The following LPCAT3 variants were observed in gnomAD, a reference collection of about 807,000 sequenced individuals.
The protein encoded by LPCAT3 is lysophospholipid acyltransferase 5.
A neutral mutation model predicts 63.4 loss-of-function variants in LPCAT3; 21 were observed. The ratio of observed to expected loss-of-function variants is 0.33; its 90% CI spans 0.23 to 0.48. LPCAT3 has a LOEUF of 0.48. Ranked by LOEUF, LPCAT3 falls within the 20% of genes least tolerant of loss-of-function variation. LPCAT3 has a pLI of 0.99. For synonymous variants in LPCAT3, 242 were observed against 227.5 expected (o/e 1.06, Z -0.58); for missense variants, 451 against 590.6 (o/e 0.76, Z 2.45).
intron 1 of LPCAT3, among the ~76,000 whole-genome samples, chr12:6,992,337 C>A (rs1231209876): frequency 4.5e-4 from 68 of 150,104 alleles, no homozygotes; most frequent in African/African-American, 1.5e-3. Flanking sequence ...AAAAAAAAAA[C>A]AAAAAAAATT....
At chr12:6,986,184 G>A (rs1946524231) in intron 1 of LPCAT3, among the ~76,000 whole-genome samples, 1 of 152,040 alleles carries the variant, frequency 6.6e-6, no homozygotes, top group Non-Finnish European at 1.5e-5. Context: ...GAACAGCAAG[G>A]GTCCCCTTAG....
Position 6,981,642 on chromosome 12 carries a change from G to T in LPCAT3, c.461-10C>A, listed in dbSNP as rs782731092. On this transcript the variant is annotated splice_polypyrimidine_tract_variant and intron_variant, in intron 4 of 12. Transcript: ENST00000261407. ...TAGTCAACAGCCAAACCTGAGCAGA[G>T]AGAGAACGGATGGGTAGGGTGGTGG... 1.3e-6 allele frequency: 2 copies of T among 1,580,944 alleles called. No homozygotes were observed. The highest frequency in any genetic ancestry group is 2.4e-5 in the East Asian group (1 of 42,342).
Position 7,017,298 on chromosome 12 carries a change from C to T in LPCAT3, c.151+976G>A, listed in dbSNP as rs1301951971. ...TATGTATATATATGTACAGGTACTT[C>T]CCAATCTTGGCCCTTCTACAGGACT... On this transcript the variant is annotated intron_variant, in intron 1 of 12. Transcript: ENST00000261407. The surrounding 1 kb of genome is among the most constrained non-coding windows in gnomAD (Gnocchi z 4.1). Among the ~76,000 whole-genome samples, 7 of 152,194 alleles carry T rather than the reference C, an allele frequency of 4.6e-5. No homozygotes were observed. The highest frequency in any genetic ancestry group is 7.3e-5 in the Non-Finnish European group (5 of 68,036).
At position 6,987,397 on chromosome 12, in the gene LPCAT3, C is replaced by G. The variant is rs1946539824; in HGVS notation, c.152-3858G>C. Among the ~76,000 whole-genome samples, 1 of 152,178 alleles carries G rather than the reference C, an allele frequency of 6.6e-6. No individual in the cohort carries two copies. On this transcript the variant is annotated intron_variant, in intron 1 of 12. Coordinates refer to ENST00000261407, the MANE Select transcript of LPCAT3 (RefSeq NM_005768.6). The surrounding 1 kb of genome is among the most constrained non-coding windows in gnomAD (Gnocchi z 4.1). The stretch of plus-strand genomic sequence containing the variant: ...ACTAGCTCTAGGGAGGTGGAGACAT[C>G]TATGACCCTTTCAGGTAGATCAATG...
At chr12:7,004,765 A>G (rs782491784) in intron 1 of LPCAT3, among the ~76,000 whole-genome samples, 1 of 152,224 alleles carries the variant, frequency 6.6e-6, no homozygotes, top group Admixed American at 6.5e-5. Flanking sequence ...TTCCTATAAC[A>G]CTACCTTAAA....
intron 7 of LPCAT3, 92 bp downstream of exon 7, chr12:6,979,379 T>C (rs1946446252): frequency 1.1e-6 from 1 of 930,728 alleles, no homozygotes; most frequent in African/African-American, 1.6e-5. Flanking sequence ...GTAGATGATA[T>C]TTCCTACTTC....
At chr12:6,995,566 C>A (rs2138347811) in intron 1 of LPCAT3, among the ~76,000 whole-genome samples, 1 of 152,252 alleles carries the variant, frequency 6.6e-6, no homozygotes, top group African/African-American at 2.4e-5. Context: ...GTCTCTCTCA[C>A]CATCACTGTC....
In LPCAT3 at chr12:6,981,596, T is replaced by C. The variant is rs782148571; in HGVS notation, c.497A>G (p.Gln166Arg). Residue 166 changes from glutamine (Q) to arginine (R), a missense_variant and splice_region_variant, in exon 5 of 13, where the codon CAG becomes CGG. Around this residue, in one of 3 missense-constraint regions of LPCAT3, gnomAD observed 304 missense variants for 390.8 expected, o/e 0.78. Coordinates refer to ENST00000261407, the MANE Select transcript of LPCAT3 (RefSeq NM_005768.6). ...AVDYFDGGKD[Q>R]NSLSSEQQKY... ...CTCTGCCGATGAATGGGTACTTACC[T>C]GATCTTTCCCTCCGTCAAAGTAGTC... The C allele has an allele frequency of 6.2e-7, 1 of 1,613,956 alleles. No individual in the cohort carries two copies.
At chr12:6,998,722 C>T (rs782084848) in intron 1 of LPCAT3, among the ~76,000 whole-genome samples, 8 of 152,310 alleles carry the variant, frequency 5.3e-5, no homozygotes, top group African/African-American at 1.9e-4. Context: ...TAGATTAAGC[C>T]TTGTTGCTAG....
Position 7,018,313 on chromosome 12 carries a change from A to T in LPCAT3, c.112T>A (p.Ser38Thr). Residue 38 changes from serine (S) to threonine (T), a missense_variant, in exon 1 of 13, where the codon TCA becomes ACA. Physicochemically the swap from Ser to Thr is moderately conservative, Grantham distance 58. Around this residue, in one of 3 missense-constraint regions of LPCAT3, gnomAD observed 133 missense variants for 152.1 expected, o/e 0.87. Transcript: ENST00000261407. This position sits in a 1 kb window ranked among gnomAD's most constrained non-coding sequence, Gnocchi z 4.9. ...ATGATCAGCCGCAGCGCCTGTTCTG[A>T]CGCGCCCAGGGACGTCGCCAACTTG... ...LNKLATSLGA[S>T]EQALRLIISI... is the part of the protein sequence containing the mutation. 1.2e-6 allele frequency: 2 copies of T among 1,609,004 alleles called. No homozygotes were observed.
intron 1 of LPCAT3, 48 bp from the exon 2 acceptor site, chr12:6,983,587 TC>T: frequency 7.9e-7 from 1 of 1,263,948 alleles, no homozygotes; most frequent in Non-Finnish European, 1.1e-6. Context: ...CCTGGTGCCA[TC>T]CCAGTTTGGT....
chr12:6,990,574 C>T (rs1190491050), intron 1 of LPCAT3, among the ~76,000 whole-genome samples: 4 of 146,602 alleles, frequency 2.7e-5, no homozygotes, highest in Non-Finnish European at 4.5e-5. Flanking sequence ...AATTGAGCAC[C>T]CCAAACAACT....
rs782736008 is a variant in LPCAT3, at chr12:6,977,727, G to A, written c.1059C>T (p.Leu353=). The A allele has an allele frequency of 5.0e-5, 81 of 1,614,154 alleles. 1 individual carries two copies. The South Asian group carries it at 8.6e-4, about 17-fold the overall frequency. ...AWVARYIFKR[L]KFLGNKELSQ... is the part of the protein sequence containing the mutation. ...AGAGTTCTTTATTTCCAAGGAACTTGAGTCGTTTGAAGATGTAGCTGGAGA... is the reference window on the plus strand; with the variant it reads ...AGAGTTCTTTATTTCCAAGGAACTTAAGTCGTTTGAAGATGTAGCTGGAGA... The change falls in exon 10 of 13, where the codon CTC becomes CTT. Residue 353 remains leucine, a synonymous_variant. Transcript: ENST00000261407. The surrounding 1 kb of genome is among the most constrained non-coding windows in gnomAD (Gnocchi z 4.5).
At chr12:6,990,284 C>T (rs1555155318) in intron 1 of LPCAT3, among the ~76,000 whole-genome samples, 2 of 150,624 alleles carry the variant, frequency 1.3e-5, no homozygotes, top group Admixed American at 6.6e-5. Flanking sequence ...CTGAGGCGGG[C>T]GGATCACGAG....
chr12:6,980,733 G>T (rs1465294386), intron 6 of LPCAT3: 11 of 280,950 alleles, frequency 3.9e-5, no homozygotes, highest in African/African-American at 2.2e-4. Flanking sequence ...ATGAAAATAG[G>T]CTTTAAAGGC....
chr12:6,993,747 G>A (rs782147537), intron 1 of LPCAT3, among the ~76,000 whole-genome samples: 5 of 152,046 alleles, frequency 3.3e-5, no homozygotes, highest in Admixed American at 6.6e-5. Flanking sequence ...ATAATATCCC[G>A]TTGTATGGAT....
Position 6,979,549 on chromosome 12 carries a change from C to G in LPCAT3, c.708G>C (p.Leu236=), listed in dbSNP as rs896312939. 6.8e-6 allele frequency: 11 copies of G among 1,613,966 alleles called. No individual in the cohort carries two copies. Among genetic ancestry groups the G allele is most frequent in the Middle Eastern group, 3.3e-4 (2 of 6,084 alleles). ...SIIPALKRLS[L]GLFYLVGYTL... is the part of the protein sequence containing the mutation. ...TGTAGCCCACTAGGTAGAAAAGGCC[C>G]AGACTCAGGCGCTTGAGAGCAGGAA... Residue 236 remains leucine (L), a synonymous_variant, in exon 7 of 13, where the codon CTG becomes CTC. Transcript: ENST00000261407.
intron 1 of LPCAT3, among the ~76,000 whole-genome samples, chr12:7,014,224 T>C (rs1285926600): frequency 6.6e-6 from 1 of 152,212 alleles, no homozygotes; most frequent in Non-Finnish European, 1.5e-5. Flanking sequence ...TAACAGACCA[T>C]AATACCTTTG....
Position 7,017,024 on chromosome 12 carries a change from C to T in LPCAT3, c.151+1250G>A, listed in dbSNP as rs1946801359. On this transcript the variant is annotated intron_variant, in intron 1 of 12. Coordinates refer to ENST00000261407, the MANE Select transcript of LPCAT3 (RefSeq NM_005768.6). The surrounding 1 kb of genome is among the most constrained non-coding windows in gnomAD (Gnocchi z 4.1). ...TCCCATTATCTAGATTGGGTTAACA[C>T]CCTCTGGTGATATTATATATCAGTG... Among the ~76,000 whole-genome samples the T allele has an allele frequency of 6.6e-6, 1 of 152,124 alleles. No individual in the cohort carries two copies.
Sources: gnomAD v4.1 joint callset for allele counts (sites outside exome capture counted in the v4.1 genomes callset) on GRCh38, gnomAD v4.1.1 for gene constraint, gnomAD v4.1.1 regional missense constraint, Gnocchi (gnomAD v3.1) non-coding constraint, MANE v1.5 for transcripts, NCBI Gene and HGNC (gene_info 2026-07-23, HGNC 2026-07-21) for gene names.